IGFBP7: variants seen among roughly 807,000 people sequenced by gnomAD.
The protein encoded by IGFBP7 is insulin like growth factor binding protein 7, also known as insulin-like growth factor-binding protein 7.
Under a neutral mutation model 29.4 loss-of-function variants are expected in IGFBP7, and 31 were observed. That is an observed-to-expected ratio of 1.05 (90% CI 0.79 to 1.42). The LOEUF (loss-of-function observed/expected upper bound fraction) is 1.42. Ranked by LOEUF, IGFBP7 falls within the 40% of genes most tolerant of loss-of-function variation. The pLI is 0.00. For synonymous variants in IGFBP7, 172 were observed against 174.9 expected, an observed-to-expected ratio of 0.98 and a Z score of 0.13; for missense variants, 393 against 395.5, an observed-to-expected ratio of 0.99 and a Z score of 0.05.
chr4:57,048,055 C>T (rs931649217), intron 1 of IGFBP7, among the ~76,000 whole-genome samples: 9 of 149,080 alleles, frequency 6.0e-5, no homozygotes, highest in Admixed American at 2.0e-4. Flanking sequence ...CCCCTCCGCC[C>T]CCCTTTTTTT....
intron 1 of IGFBP7, among the ~76,000 whole-genome samples, chr4:57,068,742 C>T (rs1316267434): frequency 6.6e-6 from 1 of 152,166 alleles, no homozygotes; most frequent in Non-Finnish European, 1.5e-5. Context: ...TAGTTGAAGG[C>T]ACCGAGGGAA....
intron 1 of IGFBP7, among the ~76,000 whole-genome samples, chr4:57,046,365 C>G (rs372983779): frequency 2.1e-4 from 32 of 152,266 alleles, no homozygotes; most frequent in Middle Eastern, 6.8e-3. Flanking sequence ...CTCAATGACT[C>G]TGTACCAAAT....
chr4:57,032,663 G>T (rs1723966348), intron 3 of IGFBP7, 111 bp from the exon 4 acceptor site: 1 of 855,414 alleles, frequency 1.2e-6, no homozygotes, highest in Non-Finnish European at 2.0e-6. Context: ...GGGATTCATA[G>T]CAAAGGTACT....
intron 1 of IGFBP7, among the ~76,000 whole-genome samples, chr4:57,046,395 T>G: frequency 6.6e-6 from 1 of 152,162 alleles, no homozygotes; most frequent in East Asian, 1.9e-4. Context: ...CTCTTTCCAC[T>G]CTACCTTTCT....
At chr4:57,078,588 T>C (rs1286592864) in intron 1 of IGFBP7, among the ~76,000 whole-genome samples, 1 of 152,194 alleles carries the variant, frequency 6.6e-6, no homozygotes, top group Non-Finnish European at 1.5e-5. Context: ...GCTTCGCTCC[T>C]GCTTAATGAT....
At chr4:57,067,008 G>A (rs1338006892) in intron 1 of IGFBP7, among the ~76,000 whole-genome samples, 1 of 147,526 alleles carries the variant, frequency 6.8e-6, no homozygotes, top group Admixed American at 6.8e-5. Context: ...TAGTCATAAA[G>A]TCCTCTCTCC....
chr4:57,096,811 G>T (rs954847883), intron 1 of IGFBP7, among the ~76,000 whole-genome samples: 2 of 152,122 alleles, frequency 1.3e-5, no homozygotes, highest in African/African-American at 4.8e-5. Context: ...TTTCTGAGTC[G>T]AAATACATCT....
intron 1 of IGFBP7, among the ~76,000 whole-genome samples, chr4:57,103,110 C>A (rs978665829): frequency 1.3e-5 from 2 of 152,146 alleles, no homozygotes; most frequent in African/African-American, 4.8e-5. Flanking sequence ...GGCTGGGAAC[C>A]CAGATTTGAC....
chr4:57,083,350 CG>C (rs1370264977), intron 1 of IGFBP7, among the ~76,000 whole-genome samples: 3 of 152,146 alleles, frequency 2.0e-5, no homozygotes, highest in African/African-American at 7.2e-5. Flanking sequence ...CTAAGCTGAA[CG>C]GGGAAACATT....
intron 1 of IGFBP7, among the ~76,000 whole-genome samples, chr4:57,094,324 T>A (rs1725710187): frequency 6.6e-6 from 1 of 152,148 alleles, no homozygotes; most frequent in Non-Finnish European, 1.5e-5. Context: ...AGAGCCTACT[T>A]GCCAAGTGGA....
intron 1 of IGFBP7, among the ~76,000 whole-genome samples, chr4:57,046,583 A>T (rs1724367095): frequency 6.6e-6 from 1 of 152,192 alleles, no homozygotes; most frequent in African/African-American, 2.4e-5. Flanking sequence ...TTCCGTTTAA[A>T]ACAGGTCACA....
At chr4:57,040,767 T>G (rs992465404) in intron 2 of IGFBP7, 57 bp downstream of exon 2, 34 of 1,176,900 alleles carry the variant, frequency 2.9e-5, no homozygotes, top group Non-Finnish European at 4.1e-5. Context: ...ACCATCCTTG[T>G]GCAGTGCAAG....
intron 1 of IGFBP7, among the ~76,000 whole-genome samples, chr4:57,105,713 T>TTTCTTA (rs1726011855): frequency 6.6e-6 from 1 of 152,210 alleles, no homozygotes. Context: ...GCTCCTCATC[T>TTTCTTA]TAACTTCTCT....
intron 1 of IGFBP7, among the ~76,000 whole-genome samples, chr4:57,091,964 G>A (rs1247377753): frequency 6.6e-6 from 1 of 152,138 alleles, no homozygotes; most frequent in African/African-American, 2.4e-5. Flanking sequence ...TGAAACAAGC[G>A]GTCAAATCAT....
Position 57,105,703 on chromosome 4 carries a change from GCTC to G in IGFBP7, c.475+4171_475+4173del, listed in dbSNP as rs1016579893. 6.0e-4 allele frequency among the ~76,000 whole-genome samples: 92 copies of G among 152,292 alleles called. 1 individual carries two copies. The highest frequency in any genetic ancestry group is 2.0e-3 in the African/African-American group (85 of 41,558). ...CACACCAAGGGAGTCTGGCTTGAGAGCTCCTCATCTTAACTTCTCTGCTATACT... is the reference window on the plus strand; with the variant it reads ...CACACCAAGGGAGTCTGGCTTGAGAGCTCATCTTAACTTCTCTGCTATACT... On this transcript the variant is annotated intron_variant, in intron 1 of 4. Transcript: ENST00000295666.
At chr4:57,047,314 C>T (rs1312439740) in intron 1 of IGFBP7, among the ~76,000 whole-genome samples, 1 of 152,204 alleles carries the variant, frequency 6.6e-6, no homozygotes, top group Non-Finnish European at 1.5e-5. Flanking sequence ...TTTGCTCCTC[C>T]TTCGCCTTCC....
chr4:57,060,626 G>A (rs1724776911), intron 1 of IGFBP7, among the ~76,000 whole-genome samples: 1 of 152,156 alleles, frequency 6.6e-6, no homozygotes, highest in African/African-American at 2.4e-5. Flanking sequence ...CCTCATTACA[G>A]CAAAGGGTTT....
chr4:57,048,068 T>C lies in IGFBP7; in HGVS notation c.476-7135A>G, dbSNP rs573784427. Among the ~76,000 whole-genome samples the C allele has an allele frequency of 1.5e-3, 231 of 151,360 alleles. 2 individuals are homozygous for C. Among genetic ancestry groups the C allele is most frequent in the African/African-American group, 5.0e-3 (207 of 41,240 alleles). ...CCCCCCTCCGCCCCCCTTTTTTTTT[T>C]TGAGACGGAGTCTTGCTCTGTCGCC... On this transcript the variant is annotated intron_variant, in intron 1 of 4. Coordinates refer to ENST00000295666, the MANE Select transcript of IGFBP7 (RefSeq NM_001553.3).
intron 1 of IGFBP7, chr4:57,072,842 G>A (rs1725088725): frequency 1.7e-6 from 1 of 604,020 alleles, no homozygotes; most frequent in Admixed American, 1.9e-5. Context: ...GCTCTCCCTA[G>A]AGCTCCCCAG....
Sources: gnomAD v4.1 joint callset for allele counts (sites outside exome capture counted in the v4.1 genomes callset) on GRCh38, gnomAD v4.1.1 for gene constraint, MANE v1.5 for transcripts, NCBI Gene and HGNC (gene_info 2026-07-23, HGNC 2026-07-21) for gene names.